The following IQCE variants were observed in gnomAD, a reference collection of about 807,000 sequenced individuals.
The protein encoded by IQCE is IQ motif containing E.
A neutral mutation model predicts 96.0 loss-of-function variants in IQCE; 115 were observed. The ratio of observed to expected loss-of-function variants is 1.20; its 90% CI spans 1.03 to 1.40. IQCE has a LOEUF of 1.40. Ranked by LOEUF, IQCE falls within the 40% of genes most tolerant of loss-of-function variation. IQCE has a pLI of 0.00. For missense variants in IQCE, 1,041 were observed against 909.1 expected, an observed-to-expected ratio of 1.15 and a Z score of -1.87; for synonymous variants, 412 against 371.2, an observed-to-expected ratio of 1.11 and a Z score of -1.26.
chr7:2,566,719 T>G (rs1157429478), intron 1 of IQCE: 1 of 212,798 alleles, frequency 4.7e-6, no homozygotes, highest in Non-Finnish European at 9.7e-6. Context: ...CTCTCACCCG[T>G]TCTTACCAGG....
At chr7:2,588,070 C>A (rs747657884) in intron 13 of IQCE, among the ~76,000 whole-genome samples, 193 bp downstream of exon 13, 1 of 152,240 alleles carries the variant, frequency 6.6e-6, no homozygotes, top group African/African-American at 2.4e-5. Flanking sequence ...CCTCGCTGGG[C>A]TGTGAGCTTC....
At chr7:2,592,937 A>C in intron 14 of IQCE, 85 bp from the exon 15 acceptor site, 1 of 1,426,484 alleles carries the variant, frequency 7.0e-7, no homozygotes, top group Non-Finnish European at 9.6e-7. Flanking sequence ...AGGGCTGAGC[A>C]CTGTCATTTT....
intron 21 of IQCE, among the ~76,000 whole-genome samples, chr7:2,608,669 T>C (rs1784983368): frequency 6.6e-6 from 1 of 152,220 alleles, no homozygotes; most frequent in Non-Finnish European, 1.5e-5. Flanking sequence ...AGACCCTGCC[T>C]TTGGTGACCT....
chr7:2,573,027 G>T (rs1781870941), intron 5 of IQCE, among the ~76,000 whole-genome samples: 1 of 152,178 alleles, frequency 6.6e-6, no homozygotes, highest in African/African-American at 2.4e-5. Context: ...ACCAAAGTAA[G>T]CCTGACTGTT....
chr7:2,601,499 A>G, intron 18 of IQCE, 35 bp downstream of exon 18: 1 of 1,524,164 alleles, frequency 6.6e-7, no homozygotes, highest in South Asian at 1.1e-5. Flanking sequence ...CAAAATTCGG[A>G]TTTGTATTTT....
intron 19 of IQCE, 28 bp from the exon 20 acceptor site, chr7:2,605,845 AGTC>A: frequency 1.3e-6 from 2 of 1,520,894 alleles, no homozygotes; most frequent in Non-Finnish European, 1.8e-6. Flanking sequence ...GCTGCCAAAC[AGTC>A]GTCTTCCCTG....
intron 12 of IQCE, among the ~76,000 whole-genome samples, chr7:2,587,339 T>G (rs957373678): frequency 6.6e-6 from 1 of 151,116 alleles, no homozygotes; most frequent in Admixed American, 6.6e-5. Flanking sequence ...CACCAGCACT[T>G]AGGTGGATCG....
At chr7:2,609,513 G>A (rs1785017239) in intron 21 of IQCE, among the ~76,000 whole-genome samples, 3 of 152,198 alleles carry the variant, frequency 2.0e-5, no homozygotes, top group Admixed American at 2.0e-4. Context: ...TGTGGGAATG[G>A]CTTTCAGGGA....
intron 17 of IQCE, among the ~76,000 whole-genome samples, chr7:2,600,874 A>G (rs1036562529): frequency 3.3e-5 from 5 of 152,030 alleles, no homozygotes; most frequent in Non-Finnish European, 7.4e-5. Context: ...GCTCCGAGGG[A>G]CCCTCTCTAC....
rs748711995 is a variant in IQCE, at chr7:2,598,573, G to T, written c.1549G>T (p.Gly517Trp). ...GCGGCCCCGCTCCCCCTGCTCTGAT[G>T]GGAGAAGAGACGCCGCGGCCAGAGT... ...LPRPRSPCSD[G>W]RRDAAARVLQ... Residue 517 changes from glycine (G) to tryptophan (W), a missense_variant, in exon 17 of 22, where the codon GGG becomes TGG. Transcript: ENST00000402050. 3.7e-6 allele frequency: 6 copies of T among 1,607,652 alleles called. No homozygotes were observed. The African/African-American group carries it at 6.7e-5, about 18-fold the overall frequency.
chr7:2,574,780 C>T (rs62442630), intron 6 of IQCE, among the ~76,000 whole-genome samples: 19,473 of 152,202 alleles, frequency 0.13, 1,374 homozygotes, highest in Non-Finnish European at 0.14. Context: ...TTTTCCCCTC[C>T]GTCTTCCCTC....
intron 16 of IQCE, 127 bp from the exon 17 acceptor site, chr7:2,598,338 T>C: frequency 2.2e-6 from 2 of 910,816 alleles, no homozygotes; most frequent in East Asian, 2.6e-5. Context: ...AGCTCTCTCC[T>C]CCACATTAGT....
chr7:2,594,000 G>A (rs1057220782), intron 15 of IQCE, among the ~76,000 whole-genome samples: 1 of 152,208 alleles, frequency 6.6e-6, no homozygotes, highest in Non-Finnish European at 1.5e-5. Flanking sequence ...AGTGGCTCAT[G>A]CCTGTAATCG....
chr7:2,606,972 G>A (rs781106946), intron 20 of IQCE, 152 bp from the exon 21 acceptor site: 6 of 651,104 alleles, frequency 9.2e-6, no homozygotes, highest in Non-Finnish European at 1.3e-5. Flanking sequence ...TGCATATTGG[G>A]TACAGCGCTG....
In IQCE at chr7:2,558,989, A is replaced by T. The variant is rs1322049675; in HGVS notation, c.-193A>T. ...GCGCCCGCGGACTCTGCGCACGCGC[A>T]TGGTCGCCCCAGGGGGAACGCAGGT... On this transcript the variant is annotated 5_prime_UTR_variant, in exon 1 of 22. An upstream start codon of the reference 5' UTR is lost. Coordinates refer to ENST00000402050, the MANE Select transcript of IQCE (RefSeq NM_152558.5). The T allele has an allele frequency of 6.8e-6, 2 of 294,014 alleles. No homozygotes were observed. Among genetic ancestry groups the T allele is most frequent in the Non-Finnish European group, 1.2e-5 (2 of 161,466 alleles). 18.2% of individuals were successfully genotyped at this position (294,014 alleles called of 1,614,324 possible).
intron 15 of IQCE, among the ~76,000 whole-genome samples, chr7:2,594,258 TCAAA>T (rs1271820683): frequency 1.3e-5 from 2 of 152,128 alleles, no homozygotes; most frequent in South Asian, 4.1e-4. Context: ...AGACTCTGTC[TCAAA>T]CAAACAAAAA....
chr7:2,574,111 A>G (rs1455431799), intron 6 of IQCE, among the ~76,000 whole-genome samples: 1 of 152,202 alleles, frequency 6.6e-6, no homozygotes, highest in African/African-American at 2.4e-5. Flanking sequence ...TGTCACTGCC[A>G]CCAGCACCGT....
At chr7:2,607,796 C>T (rs559450339) in intron 21 of IQCE, among the ~76,000 whole-genome samples, 6 of 152,330 alleles carry the variant, frequency 3.9e-5, no homozygotes, top group Admixed American at 1.3e-4. Context: ...CTTGAGATCC[C>T]GTGTCTTATC....
rs142953555 is a variant in IQCE at position 2,564,327 on chromosome 7, A to G, written c.37-2789A>G. On this transcript the variant is annotated intron_variant, in intron 1 of 21. Transcript: ENST00000402050. ...TTTAATATCCAGGCCAGGCACAGTG[A>G]CTCACACCTATAGCCCCAGCACTTT... Among the ~76,000 whole-genome samples, 786 of 149,896 alleles carry G rather than the reference A, an allele frequency of 5.2e-3. 4 individuals carry two copies. The highest frequency in any genetic ancestry group is 1.0e-2 in the Non-Finnish European group (674 of 67,434).
Sources: gnomAD v4.1 joint callset for allele counts (sites outside exome capture counted in the v4.1 genomes callset) on GRCh38, gnomAD v4.1.1 for gene constraint, MANE v1.5 for transcripts, NCBI Gene and HGNC (gene_info 2026-07-23, HGNC 2026-07-21) for gene names.